The following PSMD10 variants were observed in gnomAD, a reference collection of about 807,000 sequenced individuals.
The protein encoded by PSMD10 is proteasome 26S subunit, non-ATPase 10.
In PSMD10, 2 loss-of-function variants were observed where a neutral mutation model predicts 13.2. The observed-to-expected ratio is 0.15, with a 90% CI of 0.06 to 0.48. The LOEUF is 0.48. Ranked by LOEUF, PSMD10 falls within the 20% of genes least tolerant of loss-of-function variation. PSMD10 has a pLI of 0.97. For missense variants in PSMD10, 120 were observed against 167.4 expected, an observed-to-expected ratio of 0.72 and a Z score of 1.56; for synonymous variants, 66 against 64.4, an observed-to-expected ratio of 1.03 and a Z score of -0.12.
intron 1 of PSMD10, among the ~76,000 whole-genome samples, chrX:108,090,135 TTCAG>T (rs993730371): frequency 5.3e-5 from 6 of 112,211 alleles, no homozygotes; most frequent in African/African-American, 1.9e-4. Context: ...ACCCTTCTCT[TTCAG>T]TATGTAAAAA....
chrX:108,087,220 G>A (rs765509137), intron 4 of PSMD10: 93 of 112,517 alleles, frequency 8.3e-4, no homozygotes, highest in Non-Finnish European at 1.5e-3. Context: ...GAGCCATTAT[G>A]CCTGGCTCAA....
intron 2 of PSMD10, 150 bp downstream of exon 2, chrX:108,088,602 C>A (rs1199631966): frequency 4.3e-6 from 2 of 462,422 alleles, no homozygotes; most frequent in Non-Finnish European, 7.7e-6. Flanking sequence ...CCATGAGTCT[C>A]ATGCTTGATC....
At chrX:108,091,323 G>A (rs2031609926) in intron 1 of PSMD10, 84 bp downstream of exon 1, 5 of 900,819 alleles carry the variant, frequency 5.6e-6, no homozygotes, top group African/African-American at 1.9e-5. Context: ...CTCAGAAACG[G>A]GGCCTCCGCT....
At chrX:108,085,275 T>C (rs1193506496) in intron 4 of PSMD10, 148 bp from the exon 5 acceptor site, 31 of 558,240 alleles carry the variant, frequency 5.6e-5, no homozygotes, top group Non-Finnish European at 7.9e-5. Flanking sequence ...TCAGTTTGCA[T>C]AGGGAGACTG....
chrX:108,086,032 T>C (rs2031493410), intron 4 of PSMD10, among the ~76,000 whole-genome samples: 1 of 111,411 alleles, frequency 9.0e-6, no homozygotes, highest in Non-Finnish European at 1.9e-5. Context: ...CTAAACAGGG[T>C]CTCTTAGAAT....
intron 4 of PSMD10, chrX:108,087,083 G>A (rs1420784479): frequency 1.8e-5 from 2 of 111,345 alleles, no homozygotes; most frequent in Non-Finnish European, 3.8e-5. Flanking sequence ...ATGCCACCAT[G>A]CCTAGCTAAG....
chrX:108,087,359 T>G (rs1424648445), intron 4 of PSMD10: 1 of 149,328 alleles, frequency 6.7e-6, no homozygotes, highest in Non-Finnish European at 1.3e-5. Flanking sequence ...ACATATTTAA[T>G]ATATGCTTAT....
intron 1 of PSMD10, among the ~76,000 whole-genome samples, chrX:108,090,418 G>C (rs1175554307): frequency 8.9e-6 from 1 of 112,000 alleles, no homozygotes; most frequent in Non-Finnish European, 1.9e-5. Flanking sequence ...ATTTCCAATG[G>C]AGTATTAAAT....
At chrX:108,087,101 T>C (rs1172462890) in intron 4 of PSMD10, 3 of 111,306 alleles carry the variant, frequency 2.7e-5, no homozygotes, top group Admixed American at 9.6e-5. Context: ...AAGTTTTTAA[T>C]TTTTTCTAGA....
rs1393687522 is a variant in PSMD10, at chrX:108,084,838, A to G, written c.*136T>C. ...GAACAAGTAACTCAGCAGGAACAAG[A>G]GTCAACATGTTTATAAGACTTTGAA... On this transcript the variant is annotated 3_prime_UTR_variant, in exon 5 of 5. Coordinates refer to ENST00000217958, the MANE Select transcript of PSMD10 (RefSeq NM_002814.4). The G allele has an allele frequency of 3.3e-5, 23 of 701,318 alleles. No homozygotes were observed. The highest frequency in any genetic ancestry group is 4.6e-5 in the Non-Finnish European group (23 of 497,886). 57.8% of individuals were successfully genotyped at this position (701,318 alleles called of 1,213,427 possible). A position where few individuals can be genotyped will look rare whatever the true frequency, so the allele number is the denominator to read the frequency against.
intron 4 of PSMD10, among the ~76,000 whole-genome samples, chrX:108,086,328 A>T (rs1342403690): frequency 8.9e-6 from 1 of 112,339 alleles, no homozygotes; most frequent in African/African-American, 3.2e-5. Context: ...AAACCAATGA[A>T]ACGTTAAAAT....
At chrX:108,087,883 A>T in intron 3 of PSMD10, 31 bp from the exon 4 acceptor site, 1 of 1,211,841 alleles carries the variant, frequency 8.3e-7, no homozygotes, top group Non-Finnish European at 1.1e-6. Context: ...GAAGAAAACA[A>T]TGCAGAAATC....
chrX:108,087,506 G>C (rs2031511272), intron 4 of PSMD10, 180 bp downstream of exon 4: 2 of 553,373 alleles, frequency 3.6e-6, no homozygotes, highest in African/African-American at 4.6e-5. Context: ...GTGATCAGTA[G>C]TTATTTCTGA....
At chrX:108,088,921 T>G in intron 1 of PSMD10, 71 bp from the exon 2 acceptor site, 1 of 833,539 alleles carries the variant, frequency 1.2e-6, no homozygotes. Flanking sequence ...ATACTGGTGC[T>G]GGCAAATCTA....
At chrX:108,086,750 G>A (rs1240522463) in intron 4 of PSMD10, among the ~76,000 whole-genome samples, 3 of 111,781 alleles carry the variant, frequency 2.7e-5, no homozygotes, top group Non-Finnish European at 5.6e-5. Flanking sequence ...TGGTGAGGGG[G>A]TAATAGGCAC....
At chrX:108,090,270 G>A (rs990985918) in intron 1 of PSMD10, among the ~76,000 whole-genome samples, 1 of 111,804 alleles carries the variant, frequency 8.9e-6, no homozygotes, top group Non-Finnish European at 1.9e-5. Flanking sequence ...TCTCCCAAAT[G>A]TCTTTTTGCA....
chrX:108,086,927 G>T (rs1452512556), intron 4 of PSMD10: 1 of 111,698 alleles, frequency 9.0e-6, no homozygotes, highest in East Asian at 2.8e-4. Flanking sequence ...TCTGTACAAA[G>T]TTGGTCAACT....
Position 108,088,858 on chromosome X carries a change from G to A in PSMD10, c.115-8C>T. On this transcript the variant is annotated splice_polypyrimidine_tract_variant and splice_region_variant and intron_variant, in intron 1 of 4. Coordinates refer to ENST00000217958, the MANE Select transcript of PSMD10 (RefSeq NM_002814.4). The stretch of plus-strand genomic sequence containing the variant: ...CAATGCAGTTCTGCTGTCCTACAGA[G>A]AAGCAGTAATAGAAACATTCTTGAA... 1 of 1,123,105 alleles carries A rather than the reference G, an allele frequency of 8.9e-7. No individual in the cohort carries two copies. 92.6% of individuals were successfully genotyped at this position (1,123,105 alleles called of 1,213,427 possible).
At position 108,087,728 on chromosome X, in the gene PSMD10, T is replaced by C. The variant is rs772544642; in HGVS notation, c.485A>G (p.Lys162Arg). 3.3e-6 allele frequency: 4 copies of C among 1,209,964 alleles called. No individual in the cohort carries two copies. The highest frequency in any genetic ancestry group is 3.0e-5 in the East Asian group (1 of 33,785). Residue 162 changes from lysine to arginine, a missense_variant, in exon 4 of 5, where the codon AAA becomes AGA. Physicochemically the swap from Lys to Arg is conservative, Grantham distance 26 (BLOSUM62 2). Coordinates refer to ENST00000217958, the MANE Select transcript of PSMD10 (RefSeq NM_002814.4). ...LKMIHILLYY[K>R]ASTNIQDTEG... ...AGTGTCTTGGATGTTTGTGGATGCTTTGTAGTACAGAAGGATATGAATCAT... is the reference window on the plus strand; with the variant it reads ...AGTGTCTTGGATGTTTGTGGATGCTCTGTAGTACAGAAGGATATGAATCAT...
Sources: allele counts gnomAD v4.1 joint callset (sites outside exome capture counted in the v4.1 genomes callset), GRCh38; gene constraint gnomAD v4.1.1; transcripts MANE v1.5; gene names NCBI Gene and HGNC (gene_info 2026-07-23, HGNC 2026-07-21).